The following ANK3 variants were observed in gnomAD, a reference collection of about 807,000 sequenced individuals.
The protein encoded by ANK3 is ankyrin-3.
In ANK3, 57 loss-of-function variants were observed where a neutral mutation model predicts 370.9. The observed-to-expected ratio is 0.15, with a 90% CI of 0.12 to 0.19. The LOEUF (loss-of-function observed/expected upper bound fraction) is 0.19. Ranked by LOEUF, ANK3 falls within the 10% of genes least tolerant of loss-of-function variation. ANK3 has a pLI of 1.00. For missense variants in ANK3, 4,439 were observed against 5,302.1 expected, an observed-to-expected ratio of 0.84 and a Z score of 5.06; for synonymous variants, 1,929 against 1,946.3, an observed-to-expected ratio of 0.99 and a Z score of 0.23.
intron 2 of ANK3, among the ~76,000 whole-genome samples, chr10:60,426,453 T>C (rs1452713471): frequency 1.3e-5 from 2 of 152,102 alleles, no homozygotes; most frequent in East Asian, 1.9e-4. Context: ...TGATAACTAA[T>C]ACAAAGCCAG....
chr10:60,486,319 C>T (rs2075346161), intron 2 of ANK3, among the ~76,000 whole-genome samples: 1 of 152,206 alleles, frequency 6.6e-6, no homozygotes, highest in South Asian at 2.1e-4. Flanking sequence ...TGGCTCATGC[C>T]TGTAATCCCA....
In ANK3 at chr10:60,297,304, C is replaced by T. The variant is rs192809547; in HGVS notation, c.115-17665G>A. ...ATTATTCTCTGGAAATGTTTGCGAT[C>T]ATGAATATCTACAAAGATATTCTTA... On this transcript the variant is annotated intron_variant, in intron 1 of 43. Coordinates refer to ENST00000280772, the MANE Select transcript of ANK3 (RefSeq NM_020987.5). Among the ~76,000 whole-genome samples, 882 of 152,212 alleles carry T rather than the reference C, an allele frequency of 5.8e-3. 7 individuals carry two copies. Among genetic ancestry groups the T allele is most frequent in the African/African-American group, 0.02 (846 of 41,528 alleles).
At chr10:60,589,271 A>T (rs2133290314) in intron 2 of ANK3, among the ~76,000 whole-genome samples, 1 of 152,358 alleles carries the variant, frequency 6.6e-6, no homozygotes, top group South Asian at 2.1e-4. Context: ...ACTAAAGGTT[A>T]CATGGAGGTT....
chr10:60,094,954 T>C (rs1282740536), intron 28 of ANK3, among the ~76,000 whole-genome samples: 6 of 152,198 alleles, frequency 3.9e-5, no homozygotes, highest in African/African-American at 1.4e-4. Context: ...CAAAACAAAA[T>C]ATCCTTAGCT....
chr10:60,727,130 C>T (rs1208750761), intron 1 of ANK3, among the ~76,000 whole-genome samples: 1 of 152,014 alleles, frequency 6.6e-6, no homozygotes, highest in African/African-American at 2.4e-5. Flanking sequence ...TACATACCCC[C>T]GCCCCAAGCA....
At chr10:60,087,529 A>G in intron 29 of ANK3, among the ~76,000 whole-genome samples, 1 of 152,150 alleles carries the variant, frequency 6.6e-6, no homozygotes, top group East Asian at 1.9e-4. Context: ...AACCCAGTTA[A>G]CTCCATTGGG....
intron 18 of ANK3, among the ~76,000 whole-genome samples, chr10:60,174,074 T>C (rs1191852482): frequency 6.6e-6 from 1 of 152,100 alleles, no homozygotes; most frequent in African/African-American, 2.4e-5. Context: ...TAAACAGGAA[T>C]GGGGGTGGGT....
upstream of ANK3, among the ~76,000 whole-genome samples, chr10:60,394,581 A>C (rs1365433435): frequency 6.6e-6 from 1 of 152,164 alleles, no homozygotes; most frequent in East Asian, 1.9e-4. Flanking sequence ...CAGGCACATG[A>C]GGAGGCTTCC....
At chr10:60,521,280 G>A (rs2076341017) in intron 2 of ANK3, among the ~76,000 whole-genome samples, 1 of 151,988 alleles carries the variant, frequency 6.6e-6, no homozygotes, top group African/African-American at 2.4e-5. Flanking sequence ...ACATCGTATT[G>A]CAACTAATTT....
chr10:60,054,623 T>C (rs1217390587), intron 42 of ANK3, among the ~76,000 whole-genome samples: 1 of 152,212 alleles, frequency 6.6e-6, no homozygotes, highest in South Asian at 2.1e-4. Flanking sequence ...GGAAAGGATG[T>C]GATTACTGAT....
At chr10:60,542,816 G>A (rs910884688) in intron 2 of ANK3, among the ~76,000 whole-genome samples, 16 of 151,830 alleles carry the variant, frequency 1.1e-4, no homozygotes, top group African/African-American at 3.4e-4. Flanking sequence ...GAGCCCACTC[G>A]GCGCAGGTTG....
Position 60,074,320 on chromosome 10 carries a change from T to C in ANK3, c.6561A>G (p.Gln2187=). 6.2e-7 allele frequency: 1 copy of C among 1,614,044 alleles called. No homozygotes were observed. Among genetic ancestry groups the C allele is most frequent in the Non-Finnish European group, 8.5e-7 (1 of 1,179,980 alleles). ...DPSAGDVPQT[Q]PEEPVSPKPS... ...GTTTAGGTGACACAGGCTCCTCTGG[T>C]TGGGTCTGGGGAACATCCCCAGCTG... is the stretch of plus-strand genomic sequence containing the variant. The change falls in exon 37 of 44, where the codon CAA becomes CAG. Residue 2187 remains glutamine, a synonymous_variant. Coordinates refer to ENST00000280772, the MANE Select transcript of ANK3 (RefSeq NM_020987.5).
At chr10:60,124,658 C>T (rs933086515) in intron 25 of ANK3, among the ~76,000 whole-genome samples, 8 of 152,284 alleles carry the variant, frequency 5.3e-5, no homozygotes, top group South Asian at 4.1e-4. Context: ...GTCTACGCAT[C>T]GATTCTTCCC....
intron 2 of ANK3, among the ~76,000 whole-genome samples, chr10:60,587,099 G>T (rs964926445): frequency 6.6e-6 from 1 of 152,146 alleles, no homozygotes; most frequent in African/African-American, 2.4e-5. Context: ...GGAAAGGAAG[G>T]ACTTTCTTCA....
intron 1 of ANK3, among the ~76,000 whole-genome samples, chr10:60,616,701 C>T (rs967079997): frequency 6.6e-6 from 1 of 152,028 alleles, no homozygotes; most frequent in African/African-American, 2.4e-5. Context: ...AAGAGAAATT[C>T]GCCAAAATGG....
intron 7 of ANK3, among the ~76,000 whole-genome samples, chr10:60,242,167 C>A (rs1212617407): frequency 1.3e-5 from 2 of 152,072 alleles, no homozygotes; most frequent in African/African-American, 4.8e-5. Context: ...TGGAAGGCCC[C>A]TACAACTGAA....
rs1276573690 is a variant in ANK3 at position 60,492,707 on chromosome 10, A to C, written c.96+122479T>G. Among the ~76,000 whole-genome samples the C allele has an allele frequency of 1.7e-4, 8 of 46,616 alleles. No homozygotes were observed. The East Asian group carries it at 4.3e-3, about 25-fold the overall frequency. The allele number at this position is 46,616 out of a possible 152,430, so 30.6% of individuals were successfully genotyped here. On this transcript the variant is annotated intron_variant, in intron 2 of 43. Coordinates refer to the ANK3 transcript ENST00000373827. ...GGGCAACACAGTGAGACTCTGTCTCAAAAAAAAAAAAAAAAAAGAAAGAAA... is the reference window on the plus strand; with the variant it reads ...GGGCAACACAGTGAGACTCTGTCTCCAAAAAAAAAAAAAAAAAGAAAGAAA...
At chr10:60,658,560 A>T (rs1048043265) in intron 1 of ANK3, among the ~76,000 whole-genome samples, 6 of 152,162 alleles carry the variant, frequency 3.9e-5, no homozygotes, top group Non-Finnish European at 7.4e-5. Context: ...TAGAGTTATA[A>T]TTTTGTTTTA....
intron 23 of ANK3, among the ~76,000 whole-genome samples, chr10:60,155,051 T>C (rs2095286268): frequency 6.6e-6 from 1 of 152,050 alleles, no homozygotes; most frequent in African/African-American, 2.4e-5. Flanking sequence ...CCAGTGATTT[T>C]CCCCTCACAG....
Sources: gnomAD v4.1 joint callset for allele counts (sites outside exome capture counted in the v4.1 genomes callset) on GRCh38, gnomAD v4.1.1 for gene constraint, MANE v1.5 for transcripts, NCBI Gene and HGNC (gene_info 2026-07-23, HGNC 2026-07-21) for gene names.